FYB2: variants seen among roughly 807,000 people sequenced by gnomAD.
FYB2 encodes the protein FYN-binding protein 2.
FYB2 carries 103 observed loss-of-function variants against 94.1 expected under a neutral mutation model. The observed-to-expected ratio is 1.09, with a 90% confidence interval of 0.93 to 1.29. FYB2 has a LOEUF of 1.29. Among genes scored for constraint, FYB2 ranks in the 50% most tolerant of loss-of-function variants. The pLI, the probability that FYB2 is intolerant of heterozygous loss-of-function variation, is 0.00. For missense variants in FYB2, 896 were observed against 841.5 expected, an observed-to-expected ratio of 1.06 and a Z score of -0.80; for synonymous variants, 293 against 287.9, an observed-to-expected ratio of 1.02 and a Z score of -0.18.
intron 2 of FYB2, among the ~76,000 whole-genome samples, chr1:56,790,864 T>A (rs1274160006): frequency 6.6e-6 from 1 of 152,134 alleles, no homozygotes; most frequent in African/African-American, 2.4e-5. Context: ...TTTTTTGAAC[T>A]TAGGCCTAAA....
intron 1 of FYB2, among the ~76,000 whole-genome samples, chr1:56,803,892 T>G (rs1009453080): frequency 6.6e-6 from 1 of 152,182 alleles, no homozygotes; most frequent in Non-Finnish European, 1.5e-5. Flanking sequence ...GCTTCCACCA[T>G]CAATGGCCCC....
At chr1:56,726,470 A>G in intron 16 of FYB2, 27 bp downstream of exon 16, 2 of 1,594,372 alleles carry the variant, frequency 1.3e-6, no homozygotes, top group Non-Finnish European at 1.7e-6. Flanking sequence ...CAGATAAGCT[A>G]TAATAGAAGT....
intron 1 of FYB2, among the ~76,000 whole-genome samples, chr1:56,800,220 A>T (rs766306888): frequency 1.2e-4 from 18 of 152,298 alleles, no homozygotes; most frequent in East Asian, 5.8e-4. Flanking sequence ...TAACTGTCAA[A>T]TCCTATCTAA....
intron 9 of FYB2, among the ~76,000 whole-genome samples, chr1:56,750,625 C>A (rs1645173900): frequency 6.6e-6 from 1 of 151,810 alleles, no homozygotes; most frequent in South Asian, 2.1e-4. Flanking sequence ...AGTGTATCAC[C>A]AGTACATGTC....
rs1645057250 is a variant in FYB2, at chr1:56,745,930, C to T, written c.1388-1664G>A. Among the ~76,000 whole-genome samples, 6 of 152,024 alleles carry T rather than the reference C, an allele frequency of 3.9e-5. No individual in the cohort carries two copies. The South Asian group carries it at 1.0e-3, about 26-fold the overall frequency. On this transcript the variant is annotated intron_variant, in intron 9 of 19. Transcript: ENST00000343433. The stretch of plus-strand genomic sequence containing the variant: ...CCAACTTCTGCCTCAGGGATTTGCA[C>T]TTTTTTTCTCTTCCTAGGTCATTCA...
chr1:56,753,746 T>C, intron 8 of FYB2, 93 bp downstream of exon 8: 1 of 798,504 alleles, frequency 1.3e-6, no homozygotes, highest in East Asian at 2.5e-5. Flanking sequence ...TCTAACTCTG[T>C]CTCTCTGAAG....
intron 4 of FYB2, among the ~76,000 whole-genome samples, chr1:56,769,832 G>A (rs1241698371): frequency 2.0e-5 from 3 of 152,056 alleles, no homozygotes; most frequent in African/African-American, 7.2e-5. Flanking sequence ...TTCCAAATAG[G>A]TCAAGGATTG....
At chr1:56,728,118 C>T (rs1320481340) in intron 15 of FYB2, among the ~76,000 whole-genome samples, 1 of 152,166 alleles carries the variant, frequency 6.6e-6, no homozygotes, top group Non-Finnish European at 1.5e-5. Flanking sequence ...TGTAACACCA[C>T]TTTCCTGATC....
chr1:56,789,168 A>T (rs553525461), intron 2 of FYB2, 34 bp from the exon 3 acceptor site: 20 of 1,528,766 alleles, frequency 1.3e-5, no homozygotes, highest in Admixed American at 4.4e-5. Context: ...GTAAGTTATG[A>T]TTATTTTCAT....
At chr1:56,823,964 A>T (rs947843306), upstream of FYB2, 1 of 152,340 alleles carries the variant, frequency 6.6e-6, no homozygotes, top group African/African-American at 2.4e-5. Context: ...ATGTTCCATC[A>T]TCCAGAAAAG....
Position 56,735,739 on chromosome 1 carries a change from T to C in FYB2, c.1793+1348A>G, listed in dbSNP as rs143263235. Among the ~76,000 whole-genome samples the C allele has an allele frequency of 4.3e-3, 656 of 152,206 alleles. 2 individuals are homozygous for C. Among genetic ancestry groups the C allele is most frequent in the Non-Finnish European group, 7.4e-3 (502 of 68,000 alleles). Reference sequence around the variant, plus strand: ...CTCTTCTCTCTCTTGCCTGCCACCATGTAATATGTGCCTCTTCCCCTTCTG... The same window carrying C: ...CTCTTCTCTCTCTTGCCTGCCACCACGTAATATGTGCCTCTTCCCCTTCTG... On this transcript the variant is annotated intron_variant, in intron 15 of 19. Coordinates refer to ENST00000343433, the MANE Select transcript of FYB2 (RefSeq NM_001004303.5).
chr1:56,819,950 G>C (rs558470514), upstream of FYB2, among the ~76,000 whole-genome samples: 1 of 152,108 alleles, frequency 6.6e-6, no homozygotes, highest in Non-Finnish European at 1.5e-5. Context: ...AAGAATGGCC[G>C]GGTGCAGTGG....
rs577113401 is a variant in FYB2 at position 56,796,605 on chromosome 1, A to T, written c.10-3802T>A. Among the ~76,000 whole-genome samples the T allele has an allele frequency of 1.1e-4, 16 of 152,262 alleles. No individual in the cohort carries two copies. In the South Asian group the frequency reaches 3.3e-3, roughly 32 times the overall value. Reference sequence around the variant, plus strand: ...TTACGTGTTTTAAAACCTTCAATTTAGCATCCTCAAAGCTTTCAAATAAGC... The same window carrying T: ...TTACGTGTTTTAAAACCTTCAATTTTGCATCCTCAAAGCTTTCAAATAAGC... On this transcript the variant is annotated intron_variant, in intron 1 of 19. Transcript: ENST00000343433.
intron 1 of FYB2, among the ~76,000 whole-genome samples, chr1:56,816,176 T>C (rs1181836776): frequency 6.6e-6 from 1 of 152,168 alleles, no homozygotes; most frequent in East Asian, 1.9e-4. Context: ...TTTTGTGGGA[T>C]AGGAATTTGG....
At position 56,723,605 on chromosome 1, in the gene FYB2, A is replaced by G. The variant is rs747648790; in HGVS notation, c.1957T>C (p.Phe653Leu). 6.4e-7 allele frequency: 1 copy of G among 1,550,476 alleles called. No homozygotes were observed. The highest frequency in any genetic ancestry group is 1.1e-5 in the South Asian group (1 of 87,380). The stretch of plus-strand genomic sequence containing the variant: ...GAACGTACCTTAAACCTTTCTCTAA[A>G]TAGTTTTTCTTCTCTTTTCATTCTG... ...KNRMKREEKL[F>L]RERFKYDKEI... Residue 653 changes from phenylalanine (F) to leucine (L), a missense_variant, in exon 17 of 20, where the codon TTT becomes CTT. Transcript: ENST00000343433.
At chr1:56,764,218 T>C (rs1023418035) in intron 5 of FYB2, among the ~76,000 whole-genome samples, 3 of 152,078 alleles carry the variant, frequency 2.0e-5, no homozygotes, top group Non-Finnish European at 4.4e-5. Context: ...CCTTCCAGAG[T>C]GCTGGGATTA....
chr1:56,793,636 C>T (rs1158407344), intron 1 of FYB2, among the ~76,000 whole-genome samples: 13 of 150,830 alleles, frequency 8.6e-5, no homozygotes, highest in African/African-American at 2.9e-4. Flanking sequence ...ACTATGTTCA[C>T]TACCTAGGTG....
chr1:56,779,396 G>C (rs964487786), intron 4 of FYB2, among the ~76,000 whole-genome samples: 1 of 152,144 alleles, frequency 6.6e-6, no homozygotes, highest in African/African-American at 2.4e-5. Context: ...GTGTCACTTG[G>C]AGCTGAACGC....
chr1:56,780,444 G>T (rs1177966253), intron 4 of FYB2, among the ~76,000 whole-genome samples: 1 of 152,138 alleles, frequency 6.6e-6, no homozygotes, highest in Non-Finnish European at 1.5e-5. Flanking sequence ...TTTTGTTGTA[G>T]GTAAAGTGTT....
Sources: allele counts gnomAD v4.1 joint callset (sites outside exome capture counted in the v4.1 genomes callset), GRCh38; gene constraint gnomAD v4.1.1; transcripts MANE v1.5; gene names NCBI Gene and HGNC (gene_info 2026-07-23, HGNC 2026-07-21).